The following TMEM43 variants were observed in gnomAD, a reference collection of about 807,000 sequenced individuals.
The protein encoded by TMEM43 is arrhythmogenic right ventricular dysplasia 5.
In TMEM43, 45 loss-of-function variants were observed where a neutral mutation model predicts 49.6. The observed-to-expected ratio is 0.91, with a 90% CI of 0.71 to 1.16. The LOEUF (loss-of-function observed/expected upper bound fraction) is 1.16, where lower values mean the gene tolerates loss of function less well. TMEM43 is among the 50% of genes most tolerant of loss of function. The pLI, the probability that TMEM43 is intolerant of heterozygous loss-of-function variation, is 0.00. For synonymous variants in TMEM43, 199 were observed against 207.8 expected (o/e 0.96, Z 0.36); for missense variants, 532 against 516.6 (o/e 1.03, Z -0.29).
At chr3:14,125,321 C>G (rs1013238755) in intron 1 of TMEM43, 116 bp downstream of exon 1, 2 of 1,270,332 alleles carry the variant, frequency 1.6e-6, no homozygotes, top group African/African-American at 1.5e-5. Flanking sequence ...CGGCTAGGCC[C>G]GCATCTCCCT....
At chr3:14,129,624 G>C in intron 2 of TMEM43, 63 bp downstream of exon 2, 1 of 1,583,080 alleles carries the variant, frequency 6.3e-7, no homozygotes, top group Non-Finnish European at 8.7e-7. Context: ...GAGCAAAGGC[G>C]ATGAACCCGG....
rs930770110 is a variant in TMEM43 at position 14,130,894 on chromosome 3, A to G, written c.235A>G (p.Ser79Gly). 7 of 1,613,556 alleles carry G rather than the reference A, an allele frequency of 4.3e-6. No individual in the cohort carries two copies. The highest frequency in any genetic ancestry group is 5.9e-6 in the Non-Finnish European group (7 of 1,179,700). ...TGTGGTGTCTCCCGACAGCATCCAC[A>G]GTGTGGCTCCGGAGAATGAAGGAAG... is the stretch of plus-strand genomic sequence containing the variant. ...SLVVSPDSIH[S>G]VAPENEGRLV... Residue 79 changes from serine (S) to glycine (G), a missense_variant, in exon 3 of 12, where the codon AGT becomes GGT. By Grantham distance (56) the Ser-to-Gly change is moderately conservative. Transcript: ENST00000306077.
intron 1 of TMEM43, among the ~76,000 whole-genome samples, chr3:14,127,371 C>G (rs1559359479): frequency 6.6e-6 from 1 of 152,128 alleles, no homozygotes; most frequent in African/African-American, 2.4e-5. Flanking sequence ...TATCTTGATG[C>G]TGGCTGAGGG....
chr3:14,132,398 T>C (rs1168259198), intron 4 of TMEM43, 148 bp from the exon 5 acceptor site: 2 of 773,844 alleles, frequency 2.6e-6, no homozygotes, highest in East Asian at 2.6e-5. Context: ...GTGAGTGCCC[T>C]GTCTTGGGGC....
At chr3:14,136,015 A>G in intron 10 of TMEM43, 107 bp downstream of exon 10, 1 of 966,660 alleles carries the variant, frequency 1.0e-6, no homozygotes. Flanking sequence ...CCAGTGAATG[A>G]GGCAAGAAGA....
intron 2 of TMEM43, 56 bp from the exon 3 acceptor site, chr3:14,130,766 C>G: frequency 6.3e-7 from 1 of 1,595,498 alleles, no homozygotes; most frequent in Non-Finnish European, 8.6e-7. Flanking sequence ...GCAACAAGCA[C>G]AGTCATGCTG....
intron 8 of TMEM43, 65 bp downstream of exon 8, chr3:14,134,956 C>T: frequency 6.2e-7 from 1 of 1,609,078 alleles, no homozygotes; most frequent in South Asian, 1.1e-5. Flanking sequence ...GTTCCTGCGC[C>T]AGGCAGATTC....
intron 1 of TMEM43, among the ~76,000 whole-genome samples, chr3:14,125,704 C>T (rs899051613): frequency 1.3e-5 from 2 of 152,128 alleles, no homozygotes; most frequent in African/African-American, 4.8e-5. Flanking sequence ...CTCTGTAAAC[C>T]GAGTCTGTGA....
intron 11 of TMEM43, among the ~76,000 whole-genome samples, chr3:14,140,705 G>T (rs1695235719): frequency 6.6e-6 from 1 of 152,218 alleles, no homozygotes; most frequent in Non-Finnish European, 1.5e-5. Flanking sequence ...CTACCTTACA[G>T]GGTGGGCATG....
chr3:14,142,843 A>AAAG lies in TMEM43; in HGVS notation c.*1050_*1052dup, dbSNP rs1353637198. 2.0e-5 allele frequency: 3 copies of AAAG among 152,456 alleles called. No homozygotes were observed. Among genetic ancestry groups the AAAG allele is most frequent in the Non-Finnish European group, 4.4e-5 (3 of 68,046 alleles). 9.4% of individuals were successfully genotyped at this position (152,456 alleles called of 1,614,324 possible). The stretch of plus-strand genomic sequence containing the variant: ...CCCCTATGCACTTGAAGATGGTTTA[A>AAAG]AAGATTAAAGAAACGATTAAGAGAA... On this transcript the variant is annotated 3_prime_UTR_variant, in exon 12 of 12. Coordinates refer to ENST00000306077, the MANE Select transcript of TMEM43 (RefSeq NM_024334.3).
In TMEM43 at chr3:14,141,618, C is replaced by A. The variant is rs376514478; in HGVS notation, c.1026C>A (p.Asp342Glu). The change falls in exon 12 of 12, where the codon GAC becomes GAA. Residue 342 changes from aspartate (D) to glutamate (E), a missense_variant. Transcript: ENST00000306077. ...TLVDWFPVFRDLVNIGLKAFA... is the reference protein window; with the variant it reads ...TLVDWFPVFRELVNIGLKAFA... Reference sequence around the variant, plus strand: ...TGGACTGGTTTCCTGTTTTCCGAGACCTGGTCAACATTGGCCTGAAAGCCT... The same window carrying A: ...TGGACTGGTTTCCTGTTTTCCGAGAACTGGTCAACATTGGCCTGAAAGCCT... The A allele has an allele frequency of 3.7e-5, 60 of 1,614,088 alleles. No individual in the cohort carries two copies. The highest frequency in any genetic ancestry group is 4.7e-5 in the Non-Finnish European group (56 of 1,180,062).
chr3:14,125,630 AGCTGTCCAGCAATGGACAGACAGG>A (rs975808049), intron 1 of TMEM43, among the ~76,000 whole-genome samples: 5 of 152,130 alleles, frequency 3.3e-5, no homozygotes, highest in African/African-American at 9.7e-5. Flanking sequence ...GCCCAAGTGG[AGCTGTCCAGCAATGGACAGACAGG>A]GCTGTCCAGG....
intron 1 of TMEM43, among the ~76,000 whole-genome samples, chr3:14,127,345 C>G (rs1304284726): frequency 6.6e-6 from 1 of 152,194 alleles, no homozygotes; most frequent in African/African-American, 2.4e-5. Context: ...CCCTCCAAGG[C>G]CGTCTTTGAG....
At chr3:14,141,379 G>A (rs775991544) in intron 11 of TMEM43, among the ~76,000 whole-genome samples, 5 of 152,198 alleles carry the variant, frequency 3.3e-5, no homozygotes, top group Non-Finnish European at 7.3e-5. Context: ...AGAGTGGGTG[G>A]CTTAGGCAAT....
chr3:14,140,265 C>T (rs1695230173), intron 11 of TMEM43, among the ~76,000 whole-genome samples: 1 of 152,144 alleles, frequency 6.6e-6, no homozygotes, highest in Non-Finnish European at 1.5e-5. Flanking sequence ...AAACGGAATC[C>T]TCTTTCTTGC....
intron 7 of TMEM43, 109 bp from the exon 8 acceptor site, chr3:14,134,661 C>A: frequency 1.4e-6 from 2 of 1,452,982 alleles, no homozygotes; most frequent in Non-Finnish European, 1.9e-6. Flanking sequence ...GGTGGGAGTG[C>A]CACGTGTGCA....
chr3:14,141,507 C>T lies in TMEM43; in HGVS notation c.1001-86C>T, dbSNP rs1695245235. ...TCCTCATGCATGTAGCAACATGGGC[C>T]CATCCTCATCTAGGGACAGGAGAGA... is the stretch of plus-strand genomic sequence containing the variant. On this transcript the variant is annotated intron_variant, in intron 11 of 11. Transcript: ENST00000306077. 34 of 1,287,566 alleles carry T rather than the reference C, an allele frequency of 2.6e-5. No individual in the cohort carries two copies. The South Asian group carries it at 4.1e-4, about 15-fold the overall frequency. 79.8% of individuals were successfully genotyped at this position (1,287,566 alleles called of 1,614,324 possible).
intron 2 of TMEM43, 81 bp from the exon 3 acceptor site, chr3:14,130,741 C>A: frequency 6.5e-7 from 1 of 1,537,518 alleles, no homozygotes; most frequent in Admixed American, 1.9e-5. Flanking sequence ...AGGCCCCATC[C>A]TACCCTAATA....
chr3:14,125,227 G>C, intron 1 of TMEM43, 22 bp downstream of exon 1: 1 of 1,603,550 alleles, frequency 6.2e-7, no homozygotes. Flanking sequence ...CGGGCCAGCC[G>C]GGCCACACCC....
Sources: allele counts gnomAD v4.1 joint callset (sites outside exome capture counted in the v4.1 genomes callset), GRCh38; gene constraint gnomAD v4.1.1; transcripts MANE v1.5; gene names NCBI Gene and HGNC (gene_info 2026-07-23, HGNC 2026-07-21).